The following KLHL29 variants were observed in gnomAD, a reference collection of about 807,000 sequenced individuals.
KLHL29 encodes the protein kelch-like protein 29.
In KLHL29, 21 loss-of-function variants were observed where a neutral mutation model predicts 80.4. The observed-to-expected ratio is 0.26, with a 90% CI of 0.19 to 0.38. KLHL29 has a LOEUF of 0.38. KLHL29 is among the 10% of genes least tolerant of loss of function. The pLI, the probability that KLHL29 is intolerant of heterozygous loss-of-function variation, is 1.00. For missense variants in KLHL29, 867 were observed against 1,223.9 expected (o/e 0.71, Z 4.35); for synonymous variants, 511 against 526.8 (o/e 0.97, Z 0.41).
At position 23,642,759 on chromosome 2, in the gene KLHL29, GC is replaced by G; in HGVS notation, c.855del (p.Thr286GlnfsTer31). 1 of 1,550,304 alleles carries G rather than the reference GC, an allele frequency of 6.5e-7. No homozygotes were observed. The highest frequency in any genetic ancestry group is 8.7e-7 in the Non-Finnish European group (1 of 1,146,820). On this transcript the variant is annotated frameshift_variant, in exon 5 of 14. Coordinates refer to ENST00000486442, the MANE Select transcript of KLHL29 (RefSeq NM_052920.2). LOFTEE classifies it high-confidence loss of function. ...LPSGAPATNG[P>X]PTTDSAHGLQ... ...CCAGTGGTGCCCCTGCCACCAATGG[GC>G]CCCCCACAACCGACTCGGCCCACGG...
chr2:23,569,308 C>T (rs535429741), intron 3 of KLHL29, among the ~76,000 whole-genome samples: 5 of 152,306 alleles, frequency 3.3e-5, no homozygotes, highest in African/African-American at 1.2e-4. Context: ...ATGCAGTATT[C>T]GGTAACCACA....
rs1012979778 is a variant in KLHL29, at chr2:23,596,600, T to A, written c.285+34119T>A. 6.6e-6 allele frequency among the ~76,000 whole-genome samples: 1 copy of A among 152,222 alleles called. No homozygotes were observed. Among genetic ancestry groups the A allele is most frequent in the African/African-American group, 2.4e-5 (1 of 41,462 alleles). Reference sequence around the variant, plus strand: ...TCCATAATGGAAGATGAGATTGTGCTGGCGGGAACACATCATGTCTGGGGA... The same window carrying A: ...TCCATAATGGAAGATGAGATTGTGCAGGCGGGAACACATCATGTCTGGGGA... On this transcript the variant is annotated intron_variant, in intron 3 of 13. Transcript: ENST00000486442. This position sits in a 1 kb window ranked among gnomAD's most constrained non-coding sequence, Gnocchi z 4.4.
chr2:23,420,200 A>G (rs1271071458), intron 1 of KLHL29, among the ~76,000 whole-genome samples: 4 of 152,038 alleles, frequency 2.6e-5, no homozygotes, highest in Non-Finnish European at 4.4e-5. Flanking sequence ...TCGTCTATCC[A>G]ATAAGAACAA....
At chr2:23,594,452 G>A (rs375039173) in intron 3 of KLHL29, among the ~76,000 whole-genome samples, 6 of 152,082 alleles carry the variant, frequency 3.9e-5, no homozygotes, top group South Asian at 4.2e-4. Context: ...GCTCACCCCC[G>A]GCCAACACCA....
At chr2:23,652,679 A>G (rs1435843481) in intron 5 of KLHL29, among the ~76,000 whole-genome samples, 1 of 152,222 alleles carries the variant, frequency 6.6e-6, no homozygotes, top group Non-Finnish European at 1.5e-5. Context: ...ATCACACTGC[A>G]GATATTCTAA....
chr2:23,469,861 A>C (rs1664447586), intron 1 of KLHL29, among the ~76,000 whole-genome samples: 1 of 151,878 alleles, frequency 6.6e-6, no homozygotes, highest in African/African-American at 2.4e-5. Flanking sequence ...CATCTTGTGG[A>C]AATGCAAGGG....
intron 1 of KLHL29, among the ~76,000 whole-genome samples, chr2:23,388,902 G>A (rs889016018): frequency 6.6e-6 from 1 of 150,878 alleles, no homozygotes; most frequent in African/African-American, 2.4e-5. Context: ...TTGGCTGGGA[G>A]ACATCAATTC....
chr2:23,563,059 C>T (rs755176662), intron 3 of KLHL29, among the ~76,000 whole-genome samples: 13 of 152,220 alleles, frequency 8.5e-5, no homozygotes, highest in Non-Finnish European at 1.5e-4. Context: ...CTTCTAAGGG[C>T]TGGTCCAAGG....
chr2:23,454,662 C>T (rs1002775507), intron 1 of KLHL29, among the ~76,000 whole-genome samples: 12 of 152,038 alleles, frequency 7.9e-5, no homozygotes, highest in African/African-American at 1.9e-4. Context: ...ATAATGATTT[C>T]GTTATTTCAT....
At chr2:23,433,774 C>T (rs547179822) in intron 1 of KLHL29, among the ~76,000 whole-genome samples, 1 of 152,188 alleles carries the variant, frequency 6.6e-6, no homozygotes, top group Admixed American at 6.5e-5. Context: ...TTAAAAATTG[C>T]TGGGCATGGT....
intron 3 of KLHL29, among the ~76,000 whole-genome samples, chr2:23,572,800 A>G (rs1330505876): frequency 6.6e-6 from 1 of 150,464 alleles, no homozygotes; most frequent in African/African-American, 2.5e-5. Context: ...TCCCGGGTTC[A>G]CACCATTCTT....
intron 5 of KLHL29, among the ~76,000 whole-genome samples, chr2:23,673,247 G>A (rs557139612): frequency 2.5e-5 from 3 of 117,716 alleles, no homozygotes; most frequent in South Asian, 2.9e-4. Context: ...CCCACACCAC[G>A]TGCTCACATG....
At chr2:23,582,129 G>A (rs973203285) in intron 3 of KLHL29, among the ~76,000 whole-genome samples, 6 of 149,278 alleles carry the variant, frequency 4.0e-5, no homozygotes, top group South Asian at 2.1e-4. Flanking sequence ...GACTCCCAGC[G>A]CCAATAGTTT....
chr2:23,496,392 T>A (rs533378623), intron 2 of KLHL29, among the ~76,000 whole-genome samples: 1 of 152,228 alleles, frequency 6.6e-6, no homozygotes, highest in Non-Finnish European at 1.5e-5. Flanking sequence ...ACCAGACTAT[T>A]GAAACTGCCT....
chr2:23,388,916 C>G (rs12620611), intron 1 of KLHL29, among the ~76,000 whole-genome samples: 8,530 of 151,036 alleles, frequency 0.056, 545 homozygotes, highest in East Asian at 0.27. Context: ...TCAATTCAGT[C>G]CAGCAGAACT....
chr2:23,470,703 C>T (rs1016321597), intron 1 of KLHL29, among the ~76,000 whole-genome samples: 1 of 152,160 alleles, frequency 6.6e-6, no homozygotes, highest in African/African-American at 2.4e-5. Context: ...CTGAAAATAA[C>T]GGATCTCATC....
At chr2:23,551,639 A>G (rs1035128556) in intron 2 of KLHL29, among the ~76,000 whole-genome samples, 4 of 152,234 alleles carry the variant, frequency 2.6e-5, no homozygotes, top group Non-Finnish European at 4.4e-5. Context: ...TTCCAAATAT[A>G]TATCTGTCCC....
At chr2:23,402,678 C>T (rs1031374379) in intron 1 of KLHL29, among the ~76,000 whole-genome samples, 1 of 152,200 alleles carries the variant, frequency 6.6e-6, no homozygotes, top group Non-Finnish European at 1.5e-5. Flanking sequence ...GTGTAAATAA[C>T]CCTCCTTGCC....
At chr2:23,660,527 A>AT (rs1211813873) in intron 5 of KLHL29, among the ~76,000 whole-genome samples, 3 of 152,240 alleles carry the variant, frequency 2.0e-5, no homozygotes, top group Non-Finnish European at 2.9e-5. Flanking sequence ...AGGCAGGAGA[A>AT]TTCCAGGAAG....
Sources: gnomAD v4.1 joint callset for allele counts (sites outside exome capture counted in the v4.1 genomes callset) on GRCh38, gnomAD v4.1.1 for gene constraint, Gnocchi (gnomAD v3.1) non-coding constraint, MANE v1.5 for transcripts, NCBI Gene and HGNC (gene_info 2026-07-23, HGNC 2026-07-21) for gene names.